The following CNGB3 variants were observed in gnomAD, a reference collection of about 807,000 sequenced individuals.
The protein encoded by CNGB3 is cyclic nucleotide-gated channel beta-3.
A neutral mutation model predicts 92.8 loss-of-function variants in CNGB3; 86 were observed. That is an observed-to-expected ratio of 0.93 (90% CI 0.78 to 1.11). The LOEUF (loss-of-function observed/expected upper bound fraction) is 1.11. Ranked by LOEUF, CNGB3 falls within the 50% of genes least tolerant of loss-of-function variation. The pLI, the probability that CNGB3 is intolerant of heterozygous loss-of-function variation, is 0.00. For missense variants in CNGB3, 1,026 were observed against 956.8 expected, an observed-to-expected ratio of 1.07 and a Z score of -0.95; for synonymous variants, 333 against 332.7, an observed-to-expected ratio of 1.00 and a Z score of -0.01.
intron 2 of CNGB3, among the ~76,000 whole-genome samples, 175 bp from the exon 3 acceptor site, chr8:86,726,832 T>A (rs1825068676): frequency 6.6e-6 from 1 of 152,172 alleles, no homozygotes. Context: ...AATTAACTGG[T>A]AGACACCTTC....
At chr8:86,656,471 A>C (rs1353717801) in intron 6 of CNGB3, among the ~76,000 whole-genome samples, 1 of 152,218 alleles carries the variant, frequency 6.6e-6, no homozygotes, top group Non-Finnish European at 1.5e-5. Flanking sequence ...TAAACTTGGC[A>C]TCATTAGCCT....
chr8:86,660,553 A>C (rs1263437025), intron 6 of CNGB3: 1 of 534,042 alleles, frequency 1.9e-6, no homozygotes, highest in Non-Finnish European at 3.8e-6. Flanking sequence ...CAATGGAATT[A>C]TAGGATTGTT....
chr8:86,655,380 T>C (rs1206467652), intron 6 of CNGB3, among the ~76,000 whole-genome samples: 1 of 152,190 alleles, frequency 6.6e-6, no homozygotes, highest in Non-Finnish European at 1.5e-5. Context: ...CTACTTTCTG[T>C]TTTCCACTCA....
chr8:86,692,312 T>A (rs1042248749), intron 3 of CNGB3, among the ~76,000 whole-genome samples: 4 of 152,172 alleles, frequency 2.6e-5, no homozygotes, highest in African/African-American at 9.6e-5. Context: ...TGTCTAGGGC[T>A]GTCAGTAAAG....
chr8:86,599,643 C>T (rs925634077), intron 15 of CNGB3, among the ~76,000 whole-genome samples: 1 of 152,100 alleles, frequency 6.6e-6, no homozygotes, highest in Admixed American at 6.5e-5. Flanking sequence ...CTTTTACGGT[C>T]GCAGCTGTAG....
At chr8:86,633,868 A>G (rs536171288) in intron 10 of CNGB3, among the ~76,000 whole-genome samples, 5 of 152,340 alleles carry the variant, frequency 3.3e-5, no homozygotes, top group African/African-American at 9.6e-5. Context: ...TTATTATATT[A>G]TTGAATACGT....
Position 86,715,061 on chromosome 8 carries a change from C to T in CNGB3, c.338+11470G>A, listed in dbSNP as rs80341385. Among the ~76,000 whole-genome samples the T allele has an allele frequency of 1.1e-3, 175 of 152,200 alleles. 1 individual carries two copies. The East Asian group carries it at 0.013, about 11-fold the overall frequency. ...CCTGGTGGTCTTTCTTTACCCACTC[C>T]GTTTGCTGAAGACAAAAGACGTAAT... On this transcript the variant is annotated intron_variant, in intron 3 of 17. Coordinates refer to ENST00000320005, the MANE Select transcript of CNGB3 (RefSeq NM_019098.5).
intron 3 of CNGB3, among the ~76,000 whole-genome samples, chr8:86,704,976 TCTG>T (rs1824626267): frequency 6.6e-6 from 1 of 152,070 alleles, no homozygotes; most frequent in African/African-American, 2.4e-5. Context: ...GAACTAGAAA[TCTG>T]CTATTAGAAG....
chr8:86,650,887 T>C (rs1329174916), intron 7 of CNGB3, among the ~76,000 whole-genome samples: 1 of 151,764 alleles, frequency 6.6e-6, no homozygotes, highest in Non-Finnish European at 1.5e-5. Context: ...GCCCAATTCA[T>C]AACTGCAAAA....
intron 13 of CNGB3, among the ~76,000 whole-genome samples, chr8:86,623,539 C>T (rs962106241): frequency 2.0e-5 from 3 of 152,120 alleles, no homozygotes; most frequent in African/African-American, 7.2e-5. Flanking sequence ...GTTCTTCCTT[C>T]CCCTTGAGAC....
At chr8:86,665,522 A>G (rs752046426) in intron 6 of CNGB3, among the ~76,000 whole-genome samples, 2 of 43,384 alleles carry the variant, frequency 4.6e-5, no homozygotes, top group African/African-American at 3.4e-4. Flanking sequence ...CATTCTAAGT[A>G]CCCACTAACA....
At chr8:86,740,122 T>C (rs1334581003) in intron 1 of CNGB3, among the ~76,000 whole-genome samples, 1 of 152,230 alleles carries the variant, frequency 6.6e-6, no homozygotes, top group African/African-American at 2.4e-5. Flanking sequence ...TTTCATGTGC[T>C]TCTGCCTCAT....
chr8:86,721,647 A>G (rs1824972430), intron 3 of CNGB3, among the ~76,000 whole-genome samples: 2 of 152,206 alleles, frequency 1.3e-5, no homozygotes, highest in Non-Finnish European at 2.9e-5. Flanking sequence ...GAAAATTTCA[A>G]TATGGGGCTA....
At chr8:86,691,635 C>T (rs534872313) in intron 3 of CNGB3, among the ~76,000 whole-genome samples, 1 of 152,184 alleles carries the variant, frequency 6.6e-6, no homozygotes, top group East Asian at 1.9e-4. Flanking sequence ...CTTGGTTAAT[C>T]TTGCTAATGC....
At chr8:86,705,368 A>G (rs1194213728) in intron 3 of CNGB3, among the ~76,000 whole-genome samples, 1 of 152,130 alleles carries the variant, frequency 6.6e-6, no homozygotes, top group Non-Finnish European at 1.5e-5. Context: ...TTCAGGTGTG[A>G]GTAAAAAAAA....
At chr8:86,644,535 G>T in intron 9 of CNGB3, 87 bp downstream of exon 9, 2 of 1,523,636 alleles carry the variant, frequency 1.3e-6, no homozygotes, top group East Asian at 2.4e-5. Context: ...TTTTTGAAGA[G>T]GGGGGTCATA....
At chr8:86,688,908 T>G (rs1209088213) in intron 3 of CNGB3, among the ~76,000 whole-genome samples, 3 of 152,040 alleles carry the variant, frequency 2.0e-5, no homozygotes, top group African/African-American at 4.8e-5. Context: ...TTTTTCTACT[T>G]TTTTAGGTAG....
intron 6 of CNGB3, among the ~76,000 whole-genome samples, chr8:86,664,672 T>C (rs149345060): frequency 8.5e-5 from 13 of 152,346 alleles, no homozygotes; most frequent in African/African-American, 1.9e-4. Context: ...AGGGTAAGAA[T>C]GCTAATTTCT....
chr8:86,706,685 G>A (rs911501031), intron 3 of CNGB3, among the ~76,000 whole-genome samples: 3 of 152,120 alleles, frequency 2.0e-5, no homozygotes, highest in Non-Finnish European at 4.4e-5. Flanking sequence ...GTCTTAAATC[G>A]TGTCCTAGAC....
Sources: gnomAD v4.1 joint callset for allele counts (sites outside exome capture counted in the v4.1 genomes callset) on GRCh38, gnomAD v4.1.1 for gene constraint, MANE v1.5 for transcripts, NCBI Gene and HGNC (gene_info 2026-07-23, HGNC 2026-07-21) for gene names.